The following MYH14 variants were observed in gnomAD, a reference collection of about 807,000 sequenced individuals.
The protein encoded by MYH14 is myosin heavy chain 14, also known as myosin-14.
In MYH14, 123 loss-of-function variants were observed where a neutral mutation model predicts 255.5. The ratio of observed to expected loss-of-function variants is 0.48; its 90% CI spans 0.42 to 0.56. The LOEUF is 0.56. MYH14 is among the 20% of genes least tolerant of loss of function. The pLI is 0.00. For missense variants in MYH14, 2,423 were observed against 2,802.3 expected (o/e 0.86, Z 3.06); for synonymous variants, 1,095 against 1,161.2 (o/e 0.94, Z 1.16).
intron 1 of MYH14, among the ~76,000 whole-genome samples, chr19:50,209,814 G>A (rs1448517428): frequency 5.5e-5 from 8 of 144,740 alleles, no homozygotes; most frequent in Non-Finnish European, 7.5e-5. Flanking sequence ...ATAATTAGCC[G>A]GGGCCGGGTG....
At chr19:50,248,859 C>A in intron 12 of MYH14, 128 bp from the exon 13 acceptor site, 2 of 845,570 alleles carry the variant, frequency 2.4e-6, no homozygotes, top group Non-Finnish European at 3.7e-6. Flanking sequence ...CTTGATGGTA[C>A]TTACACTCAA....
At position 50,238,023 on chromosome 19, in the gene MYH14, G is replaced by C. The variant is rs116152686; in HGVS notation, c.1114+5953G>C. Among the ~76,000 whole-genome samples, 1,363 of 152,302 alleles carry C rather than the reference G, an allele frequency of 8.9e-3. 16 individuals are homozygous for C. The highest frequency in any genetic ancestry group is 0.029 in the African/African-American group (1,193 of 41,552). ...TCAGTGTCACCCACAGGGAGCCCAA[G>C]GCAGAAAGCATTTGGGGCCAATCAA... is the stretch of plus-strand genomic sequence containing the variant. On this transcript the variant is annotated intron_variant, in intron 10 of 42. Coordinates refer to ENST00000642316, the MANE Select transcript of MYH14 (RefSeq NM_001145809.2).
At position 50,289,495 on chromosome 19, in the gene MYH14, A is replaced by G. The variant is rs1268828108; in HGVS notation, c.4812A>G (p.Ala1604=). The G allele has an allele frequency of 6.2e-7, 1 of 1,613,070 alleles. No homozygotes were observed. The highest frequency in any genetic ancestry group is 8.5e-7 in the Non-Finnish European group (1 of 1,179,692). ...AACAGGCAGCCAATGATCTGCGAGC[A>G]CAGGTGACAGAACTGGAGGATGAGC... The part of the protein sequence containing the change: ...VAEQAANDLR[A]QVTELEDELT... The change falls in exon 35 of 43, where the codon GCA becomes GCG. Residue 1604 remains alanine, a synonymous_variant. Transcript: ENST00000642316.
At chr19:50,289,730 G>A in intron 35 of MYH14, 82 bp downstream of exon 35, 1 of 1,332,682 alleles carries the variant, frequency 7.5e-7, no homozygotes. Context: ...AGGGCAGCAA[G>A]GGGTCTCCCC....
At chr19:50,248,025 A>G (rs2034198814) in intron 12 of MYH14, among the ~76,000 whole-genome samples, 1 of 148,892 alleles carries the variant, frequency 6.7e-6, no homozygotes. Context: ...ACGCCACTGC[A>G]CTTCAGCCTG....
chr19:50,216,041 A>G (rs1355583203), intron 2 of MYH14, among the ~76,000 whole-genome samples: 1 of 152,202 alleles, frequency 6.6e-6, no homozygotes, highest in Non-Finnish European at 1.5e-5. Context: ...CTAACTTTAG[A>G]TAGCTTGGCT....
rs747594595 is a variant in MYH14 at position 50,309,641 on chromosome 19, C to T, written c.5962C>T (p.Arg1988Cys). 60 of 1,595,732 alleles carry T rather than the reference C, an allele frequency of 3.8e-5. No individual in the cohort carries two copies. The highest frequency in any genetic ancestry group is 1.7e-4 in the Middle Eastern group (1 of 6,020). The change falls in exon 43 of 43, where the codon CGC becomes TGC. Residue 1988 changes from arginine to cysteine, a missense_variant and splice_region_variant. Coordinates refer to ENST00000642316, the MANE Select transcript of MYH14 (RefSeq NM_001145809.2). ...EVTTLRNRLR[R>C]GPLTFTTRTV... ...TATCCTGGTCTCTCCTCCCCACAGA[C>T]GCGGCCCCCTCACCTTCACCACCCG...
At chr19:50,255,128 C>T (rs942372691) in intron 16 of MYH14, 92 bp from the exon 17 acceptor site, 17 of 810,254 alleles carry the variant, frequency 2.1e-5, no homozygotes, top group Non-Finnish European at 3.5e-5. Flanking sequence ...TTCCTGCCAC[C>T]TCCTCTCCTT....
rs986420292 is a variant in MYH14 at position 50,230,714 on chromosome 19, G to A, written c.973+91G>A. On this transcript the variant is annotated intron_variant, in intron 9 of 42. Coordinates refer to ENST00000642316, the MANE Select transcript of MYH14 (RefSeq NM_001145809.2). This position sits in a 1 kb window ranked among gnomAD's most constrained non-coding sequence, Gnocchi z 4.7. ...CCTTCTGGGGAGGAAGCAAGAGTGGGGGGCTCTAATATCCGTCAAACACCG... is the reference window on the plus strand; with the variant it reads ...CCTTCTGGGGAGGAAGCAAGAGTGGAGGGCTCTAATATCCGTCAAACACCG... 1.8e-6 allele frequency: 2 copies of A among 1,090,634 alleles called. No homozygotes were observed. The highest frequency in any genetic ancestry group is 4.3e-5 in the Admixed American group (2 of 46,110). 67.6% of individuals were successfully genotyped at this position (1,090,634 alleles called of 1,614,324 possible).
intron 12 of MYH14, 149 bp from the exon 13 acceptor site, chr19:50,248,838 A>G (rs1044401590): frequency 3.4e-5 from 24 of 698,306 alleles, no homozygotes; most frequent in Non-Finnish European, 5.5e-5. Context: ...CCTGTTGTTC[A>G]TGGCATTGTT....
In MYH14 at chr19:50,221,165, G is replaced by T. The variant is rs7246121; in HGVS notation, c.563-1918G>T. On this transcript the variant is annotated intron_variant, in intron 3 of 42. Coordinates refer to ENST00000642316, the MANE Select transcript of MYH14 (RefSeq NM_001145809.2). This position sits in a 1 kb window ranked among gnomAD's most constrained non-coding sequence, Gnocchi z 5.3. Reference sequence around the variant, plus strand: ...CACTGTGTGTTATATTTCCTCCTGTGCCGTGCACTGTGCTGAGTGCATTTT... The same window carrying T: ...CACTGTGTGTTATATTTCCTCCTGTTCCGTGCACTGTGCTGAGTGCATTTT... 0.032 allele frequency among the ~76,000 whole-genome samples: 4,902 copies of T among 152,142 alleles called. 292 individuals are homozygous for T. The highest frequency in any genetic ancestry group is 0.11 in the African/African-American group (4,643 of 41,488).
Position 50,250,811 on chromosome 19 carries a change from A to G in MYH14, c.1830+123A>G. The G allele has an allele frequency of 9.9e-7, 1 of 1,008,184 alleles. No individual in the cohort carries two copies. The highest frequency in any genetic ancestry group is 1.4e-6 in the Non-Finnish European group (1 of 697,864). The allele number at this position is 1,008,184 out of a possible 1,614,324, so 62.5% of individuals were successfully genotyped here. ...CTCCTGAGGTCCAGACAAACAGAGCAGGGGCTAGGAGAGCCCAGGGAGGAG... is the reference window on the plus strand; with the variant it reads ...CTCCTGAGGTCCAGACAAACAGAGCGGGGGCTAGGAGAGCCCAGGGAGGAG... On this transcript the variant is annotated intron_variant, in intron 15 of 42. Coordinates refer to ENST00000642316, the MANE Select transcript of MYH14 (RefSeq NM_001145809.2). This position sits in a 1 kb window ranked among gnomAD's most constrained non-coding sequence, Gnocchi z 5.4.
intron 39 of MYH14, among the ~76,000 whole-genome samples, chr19:50,299,027 G>A (rs2036382822): frequency 6.6e-6 from 1 of 152,064 alleles, no homozygotes; most frequent in South Asian, 2.1e-4. Context: ...GGAGTTTGAT[G>A]CTGCAGTGAG....
intron 15 of MYH14, among the ~76,000 whole-genome samples, chr19:50,251,520 C>CATATATATA (rs1208203151): frequency 0.013 from 224 of 17,132 alleles, 1 homozygote; most frequent in South Asian, 0.033. Flanking sequence ...TATATACACA[C>CATATATATA]TACACACACA....
At position 50,276,246 on chromosome 19, in the gene MYH14, C is replaced by T; in HGVS notation, c.3680+43C>T. ...GCCGCTGTCACAGCCTGTGCACATA[C>T]AGGGCTGGGGGAAGGACTTAGGTAC... On this transcript the variant is annotated intron_variant, in intron 28 of 42. Coordinates refer to ENST00000642316, the MANE Select transcript of MYH14 (RefSeq NM_001145809.2). This position sits in a 1 kb window ranked among gnomAD's most constrained non-coding sequence, Gnocchi z 4.3. 1 of 1,391,582 alleles carries T rather than the reference C, an allele frequency of 7.2e-7. No individual in the cohort carries two copies. The highest frequency in any genetic ancestry group is 9.7e-7 in the Non-Finnish European group (1 of 1,029,640). The allele number at this position is 1,391,582 out of a possible 1,614,324, so 86.2% of individuals were successfully genotyped here. A position where few individuals can be genotyped will look rare whatever the true frequency, so the allele number is the denominator to read the frequency against.
chr19:50,257,775 T>C (rs2034646487), intron 18 of MYH14, among the ~76,000 whole-genome samples: 1 of 152,182 alleles, frequency 6.6e-6, no homozygotes, highest in South Asian at 2.1e-4. Context: ...ATGGGGAGCA[T>C]AGACATTCAT....
At chr19:50,255,109 C>G (rs2034542825) in intron 16 of MYH14, 111 bp from the exon 17 acceptor site, 3 of 735,010 alleles carry the variant, frequency 4.1e-6, no homozygotes, top group South Asian at 1.6e-5. Context: ...TAACCCTCTC[C>G]TCTTTTTCTT....
At chr19:50,288,685 TCA>T (rs1265374285) in intron 34 of MYH14, among the ~76,000 whole-genome samples, 1 of 152,188 alleles carries the variant, frequency 6.6e-6, no homozygotes, top group African/African-American at 2.4e-5. Context: ...TCTGTGGAAC[TCA>T]CAGTTCAGTG....
At chr19:50,286,239 A>G in intron 33 of MYH14, 1 of 405,786 alleles carries the variant, frequency 2.5e-6, no homozygotes, top group East Asian at 3.5e-5. Context: ...CTTAAGAGGA[A>G]GGAATGCCCT....
Sources: gnomAD v4.1 joint callset for allele counts (sites outside exome capture counted in the v4.1 genomes callset) on GRCh38, gnomAD v4.1.1 for gene constraint, Gnocchi (gnomAD v3.1) non-coding constraint, MANE v1.5 for transcripts, NCBI Gene and HGNC (gene_info 2026-07-23, HGNC 2026-07-21) for gene names.